WDR47: variants seen among roughly 807,000 people sequenced by gnomAD.
WDR47 encodes the protein WD repeat domain 47.
WDR47 carries 32 observed loss-of-function variants against 97.2 expected under a neutral mutation model. That is an observed-to-expected ratio of 0.33 (90% CI 0.25 to 0.44). The LOEUF (loss-of-function observed/expected upper bound fraction) is 0.44, where lower values mean the gene tolerates loss of function less well. Among genes scored for constraint, WDR47 ranks in the 20% least tolerant of loss-of-function variants. WDR47 has a pLI of 1.00. For synonymous variants in WDR47, 375 were observed against 373.5 expected (o/e 1.00, Z -0.05); for missense variants, 782 against 1,102.3 (o/e 0.71, Z 4.11).
intron 3 of WDR47, among the ~76,000 whole-genome samples, chr1:109,015,796 A>C (rs1661369464): frequency 6.6e-6 from 1 of 150,684 alleles, no homozygotes; most frequent in African/African-American, 2.4e-5. Flanking sequence ...GACCAGCCTG[A>C]CCAACATGGT....
chr1:109,030,215 C>G (rs1342806446), intron 1 of WDR47: 2 of 1,552,990 alleles, frequency 1.3e-6, no homozygotes, highest in East Asian at 4.6e-5. Context: ...TAGCCATGCA[C>G]AAATGGTAGT....
At chr1:109,031,061 C>T (rs1222711945) in intron 1 of WDR47, among the ~76,000 whole-genome samples, 1 of 139,144 alleles carries the variant, frequency 7.2e-6, no homozygotes, top group Middle Eastern at 3.3e-3. Context: ...ATATAAAGTC[C>T]GGGATAATCA....
intron 2 of WDR47, among the ~76,000 whole-genome samples, chr1:109,022,347 T>C (rs1661906128): frequency 6.6e-6 from 1 of 152,170 alleles, no homozygotes; most frequent in Non-Finnish European, 1.5e-5. Context: ...GGGGTAATTT[T>C]TCTTTTATTT....
At chr1:108,990,418 AG>A (rs1216543714) in intron 9 of WDR47, among the ~76,000 whole-genome samples, 1 of 152,076 alleles carries the variant, frequency 6.6e-6, no homozygotes, top group East Asian at 1.9e-4. Context: ...CATGTTGGCC[AG>A]GTTGGTCTTG....
At position 108,981,763 on chromosome 1, in the gene WDR47, G is replaced by A. The variant is rs1158456288; in HGVS notation, c.2368C>T (p.Arg790Cys). The A allele has an allele frequency of 5.0e-6, 8 of 1,613,018 alleles. No individual in the cohort carries two copies. Among genetic ancestry groups the A allele is most frequent in the South Asian group, 1.1e-5 (1 of 90,936 alleles). The change falls in exon 13 of 15, where the codon CGT (arginine) becomes TGT (cysteine). Residue 790 changes from arginine to cysteine, a missense_variant. This residue lies in a region of WDR47 where 228 missense variants were observed against 396.7 expected (regional missense o/e 0.57). Transcript: ENST00000369962. ...CCATGAAATGTTGTGCCAACAACAC[G>A]AACACAACTTGGTACTCGAAGATCC... ...FWDLRVPSCVRVVGTTFHGTG... is the reference protein window; with the variant it reads ...FWDLRVPSCVCVVGTTFHGTG...
intron 1 of WDR47, among the ~76,000 whole-genome samples, chr1:109,028,675 TCTC>T (rs1037538147): frequency 2.5e-4 from 38 of 150,102 alleles, no homozygotes; most frequent in African/African-American, 9.1e-4. Context: ...ATGGTCTTGA[TCTC>T]CTGATCTCGT....
rs935818340 is a variant in WDR47, at chr1:109,030,087, C to T, written c.-9-6566G>A. On this transcript the variant is annotated intron_variant, in intron 1 of 14. Transcript: ENST00000369962. ...GAACATGCCTCTCGCAAAAGATCTC[C>T]TTCATCCCTCCCCAGAAGAAGAGAA... 13 of 847,528 alleles carry T rather than the reference C, an allele frequency of 1.5e-5. No individual in the cohort carries two copies. The African/African-American group carries it at 2.3e-4, about 15-fold the overall frequency. 52.5% of individuals were successfully genotyped at this position (847,528 alleles called of 1,614,324 possible).
At chr1:109,013,712 C>A in intron 4 of WDR47, 129 bp downstream of exon 4, 1 of 870,516 alleles carries the variant, frequency 1.1e-6, no homozygotes, top group Non-Finnish European at 1.8e-6. Flanking sequence ...TGGAAAACAC[C>A]AGATCTTGCC....
rs116328580 is a variant in WDR47, at chr1:108,977,666, A to G, written c.2399-2912T>C. ...CAGAAGTTCGAGACCAGCCTGGCTA[A>G]TAAGGTGAAACCTCGCCTCCACTAA... is the stretch of plus-strand genomic sequence containing the variant. On this transcript the variant is annotated intron_variant, in intron 13 of 14. Transcript: ENST00000369962. 6.0e-3 allele frequency among the ~76,000 whole-genome samples: 907 copies of G among 152,282 alleles called. 12 individuals carry two copies. Among genetic ancestry groups the G allele is most frequent in the African/African-American group, 0.021 (860 of 41,578 alleles).
intron 3 of WDR47, 96 bp downstream of exon 3, chr1:109,017,422 A>C (rs1444654397): frequency 1.4e-5 from 14 of 977,236 alleles, no homozygotes; most frequent in Non-Finnish European, 2.1e-5. Flanking sequence ...GTTCAAGGCC[A>C]GTGGAGAAAG....
At chr1:108,985,660 A>C (rs1658730311) in intron 10 of WDR47, among the ~76,000 whole-genome samples, 1 of 152,240 alleles carries the variant, frequency 6.6e-6, no homozygotes, top group African/African-American at 2.4e-5. Context: ...ATTTATTTTC[A>C]AATCAGTTTC....
chr1:109,028,019 G>A (rs924909906), intron 1 of WDR47, among the ~76,000 whole-genome samples: 3 of 152,094 alleles, frequency 2.0e-5, no homozygotes, highest in African/African-American at 7.2e-5. Context: ...CTATAAATCT[G>A]CAAAAGATTT....
intron 14 of WDR47, among the ~76,000 whole-genome samples, chr1:108,973,713 C>A (rs927013886): frequency 2.0e-5 from 3 of 152,020 alleles, no homozygotes; most frequent in Non-Finnish European, 4.4e-5. Context: ...AAGATCCCAT[C>A]TTTACAAAAA....
rs139235937 is a variant in WDR47, at chr1:108,974,079, A to G, written c.2617+457T>C. ...TGAGGTGGCATGCACCTGTAGTCCT[A>G]GCTACTTGCAGGGCTGAGGTGGGAG... On this transcript the variant is annotated intron_variant, in intron 14 of 14. Coordinates refer to ENST00000369962, the MANE Select transcript of WDR47 (RefSeq NM_001142551.2). 3.5e-3 allele frequency among the ~76,000 whole-genome samples: 533 copies of G among 152,200 alleles called. 4 individuals carry two copies. Among genetic ancestry groups the G allele is most frequent in the African/African-American group, 0.012 (488 of 41,524 alleles).
At chr1:109,023,137 A>T (rs1245012167) in intron 2 of WDR47, among the ~76,000 whole-genome samples, 2 of 151,826 alleles carry the variant, frequency 1.3e-5, no homozygotes, top group Non-Finnish European at 2.9e-5. Flanking sequence ...CGGGAGGCGG[A>T]GCTTGCAGTG....
In WDR47 at chr1:108,988,242, G is replaced by A. The variant is rs748970721; in HGVS notation, c.1768-1562C>T. On this transcript the variant is annotated intron_variant, in intron 9 of 14. Transcript: ENST00000369962. ...GGAGATAGGAAGGGGGGAGGGGCGG[G>A]GCACCAAGAAGGAAGGAAAGAATAA... is the stretch of plus-strand genomic sequence containing the variant. Among the ~76,000 whole-genome samples the A allele has an allele frequency of 7.0e-5, 10 of 143,458 alleles. 1 individual carries two copies. The highest frequency in any genetic ancestry group is 4.9e-4 in the Admixed American group (7 of 14,162). The allele number at this position is 143,458 out of a possible 152,430, so 94.1% of individuals were successfully genotyped here. A position where few individuals can be genotyped will look rare whatever the true frequency, so the allele number is the denominator to read the frequency against.
At chr1:109,008,269 ACTT>A (rs1030456433) in intron 5 of WDR47, among the ~76,000 whole-genome samples, 4 of 150,538 alleles carry the variant, frequency 2.7e-5, no homozygotes, top group African/African-American at 9.7e-5. Flanking sequence ...TTTATCCTAT[ACTT>A]CTTTTTTTTT....
In WDR47 at chr1:108,981,847, A is replaced by G; in HGVS notation, c.2284T>C (p.Tyr762His). ...SGHTGHILAL[Y>H]TWSGWMIASG... ...GCAATCATCCAGCCACTCCAGGTAT[A>G]AAGTGCTAAAATATGCCCTATAAAA... Residue 762 changes from tyrosine (Y) to histidine (H), a missense_variant, in exon 13 of 15, where the codon TAT becomes CAT. By Grantham distance (83) the Tyr-to-His change is moderately conservative (BLOSUM62 2). Transcript: ENST00000369962. 2 of 1,613,154 alleles carry G rather than the reference A, an allele frequency of 1.2e-6. No homozygotes were observed. The highest frequency in any genetic ancestry group is 1.7e-6 in the Non-Finnish European group (2 of 1,179,560).
intron 13 of WDR47, among the ~76,000 whole-genome samples, chr1:108,977,083 T>C (rs1437596323): frequency 2.0e-5 from 3 of 152,122 alleles, no homozygotes; most frequent in Admixed American, 6.5e-5. Flanking sequence ...TGTGGTTCAG[T>C]TGAGAGATGA....
Sources: allele counts gnomAD v4.1 joint callset (sites outside exome capture counted in the v4.1 genomes callset), GRCh38; gene constraint gnomAD v4.1.1; regional missense constraint gnomAD v4.1.1; transcripts MANE v1.5; gene names NCBI Gene and HGNC (gene_info 2026-07-23, HGNC 2026-07-21).